Variants in GPR155 observed in about 807,000 individuals in gnomAD.
GPR155 encodes the protein lysosomal cholesterol signaling protein.
A neutral mutation model predicts 93.1 loss-of-function variants in GPR155; 65 were observed. That is an observed-to-expected ratio of 0.70 (90% confidence interval 0.57 to 0.86). The LOEUF (loss-of-function observed/expected upper bound fraction) is 0.86, where lower values mean the gene tolerates loss of function less well. Among genes scored for constraint, GPR155 ranks in the 40% least tolerant of loss-of-function variants. GPR155 has a pLI of 0.00. For missense variants in GPR155, 838 were observed against 1,034.8 expected (o/e 0.81, Z 2.61); for synonymous variants, 319 against 360.1 (o/e 0.89, Z 1.29).
intron 6 of GPR155, 133 bp from the exon 7 acceptor site, chr2:174,466,035 A>T (rs1687830402): frequency 2.1e-5 from 12 of 564,166 alleles, no homozygotes; most frequent in Non-Finnish European, 3.2e-5. Context: ...TTTGTTTAAA[A>T]TTTTTTGTGA....
intron 2 of GPR155, 54 bp from the exon 3 acceptor site, chr2:174,473,418 T>A (rs975367099): frequency 3.5e-6 from 4 of 1,158,204 alleles, no homozygotes; most frequent in African/African-American, 1.6e-5. Context: ...TACAGATATA[T>A]GTTATGTATA....
intron 13 of GPR155, among the ~76,000 whole-genome samples, chr2:174,443,224 G>C (rs1687018453): frequency 1.3e-5 from 2 of 151,576 alleles, no homozygotes; most frequent in Admixed American, 1.3e-4. Flanking sequence ...TGTCTCTGTG[G>C]GCATAGCCAT....
At chr2:174,453,223 G>T (rs1194047250) in intron 11 of GPR155, among the ~76,000 whole-genome samples, 1 of 152,156 alleles carries the variant, frequency 6.6e-6, no homozygotes, top group Admixed American at 6.5e-5. Flanking sequence ...CACTTTGTGA[G>T]AACTTTATTT....
intron 2 of GPR155, among the ~76,000 whole-genome samples, chr2:174,475,783 C>T (rs554371832): frequency 1.5e-3 from 230 of 152,212 alleles, no homozygotes; most frequent in Non-Finnish European, 2.3e-3. Context: ...GAAAGATGTT[C>T]ATACCTGCCC....
At chr2:174,437,105 C>G (rs967313667) in intron 15 of GPR155, among the ~76,000 whole-genome samples, 3 of 152,096 alleles carry the variant, frequency 2.0e-5, no homozygotes, top group Admixed American at 6.5e-5. Context: ...CTTCCTGATG[C>G]AAATATGGGA....
intron 2 of GPR155, among the ~76,000 whole-genome samples, chr2:174,475,331 G>GT (rs1284836040): frequency 1.5e-5 from 2 of 130,540 alleles, no homozygotes; most frequent in Admixed American, 7.5e-5. Flanking sequence ...AAAAAATTAG[G>GT]TTTCTCAATT....
intron 7 of GPR155, 45 bp from the exon 8 acceptor site, chr2:174,461,717 T>C: frequency 9.4e-7 from 1 of 1,059,204 alleles, no homozygotes; most frequent in East Asian, 2.4e-5. Flanking sequence ...TCAACATTGA[T>C]CAGACTTTAT....
Position 174,435,494 on chromosome 2 carries a change from T to C in GPR155, c.*622A>G, listed in dbSNP as rs999899463. On this transcript the variant is annotated 3_prime_UTR_variant, in exon 16 of 16. Transcript: ENST00000392552. ...ATTTTATTTTATTTTATTTTTGAGA[T>C]AGAGTCTTGCTCTGTTGCTCAGGCT... 2.7e-5 allele frequency: 2 copies of C among 73,578 alleles called. No individual in the cohort carries two copies. The highest frequency in any genetic ancestry group is 1.0e-4 in the African/African-American group (2 of 19,592). The allele number at this position is 73,578 out of a possible 1,614,324, so 4.6% of individuals were successfully genotyped here.
intron 14 of GPR155, among the ~76,000 whole-genome samples, chr2:174,440,870 A>G (rs1266284530): frequency 1.3e-5 from 2 of 152,200 alleles, no homozygotes; most frequent in Non-Finnish European, 2.9e-5. Flanking sequence ...AAAAAAACCA[A>G]CAATTTAGAA....
intron 11 of GPR155, among the ~76,000 whole-genome samples, chr2:174,451,404 A>G (rs951945117): frequency 6.6e-6 from 1 of 152,182 alleles, no homozygotes. Context: ...TTGCCATTCA[A>G]CAATCTAAAT....
chr2:174,466,955 G>A (rs1281909715), intron 5 of GPR155, among the ~76,000 whole-genome samples: 1 of 152,004 alleles, frequency 6.6e-6, no homozygotes, highest in African/African-American at 2.4e-5. Flanking sequence ...TCAGGAGTTC[G>A]AGACCAGCCT....
At chr2:174,461,521 AAAAG>A (rs754031490) in intron 8 of GPR155, 29 bp from the exon 9 acceptor site, 3 of 1,585,894 alleles carry the variant, frequency 1.9e-6, no homozygotes, top group Non-Finnish European at 1.7e-6. Flanking sequence ...TTGGGAGAGA[AAAAG>A]AAAGGATGAA....
Position 174,481,507 on chromosome 2 carries a change from T to A in GPR155, c.450A>T (p.Gly150=), listed in dbSNP as rs768094355. 10 of 1,590,116 alleles carry A rather than the reference T, an allele frequency of 6.3e-6. No homozygotes were observed. Among genetic ancestry groups the A allele is most frequent in the South Asian group, 1.1e-5 (1 of 89,534 alleles). The change falls in exon 2 of 16, where the codon GGA becomes GGT. Residue 150 remains glycine, a synonymous_variant. Coordinates refer to ENST00000392552, the MANE Select transcript of GPR155 (RefSeq NM_152529.7). ...TAAAAATTAACTTACCTATAGGGTA[T>A]CCCAATGCAAAGTCATTACTTTGTG... is the stretch of plus-strand genomic sequence containing the variant. ...FATQSNDFAL[G]YPIVEALYQT...
intron 2 of GPR155, among the ~76,000 whole-genome samples, chr2:174,474,949 G>C (rs1167701526): frequency 1.3e-5 from 2 of 151,992 alleles, no homozygotes; most frequent in Non-Finnish European, 2.9e-5. Flanking sequence ...AGATAAAAAA[G>C]AACAGCCACA....
At position 174,480,227 on chromosome 2, in the gene GPR155, AT is replaced by A. The variant is rs375890332; in HGVS notation, c.460+1269del. On this transcript the variant is annotated intron_variant, in intron 2 of 15. Transcript: ENST00000392552. ...ACCCTACCTCAAATAGCACCTCCAC[AT>A]TCCTATCCTTCTACGTGACTTTATT... is the stretch of plus-strand genomic sequence containing the variant. 5.1e-3 allele frequency among the ~76,000 whole-genome samples: 784 copies of A among 152,270 alleles called. 11 individuals are homozygous for A. Among genetic ancestry groups the A allele is most frequent in the African/African-American group, 0.018 (760 of 41,564 alleles).
rs759755273 is a variant in GPR155 at position 174,470,490 on chromosome 2, T to C, written c.926A>G (p.Asn309Ser). 3 of 1,613,814 alleles carry C rather than the reference T, an allele frequency of 1.9e-6. No individual in the cohort carries two copies. Among genetic ancestry groups the C allele is most frequent in the Non-Finnish European group, 2.5e-6 (3 of 1,179,878 alleles). ...TGCATAATTTGATAAACTTGTATGG[T>C]TCACCACACTGTCGCCCTTGTCCAA... ...ELLDKGDSVV[N>S]HTSLSNYAFL... Residue 309 changes from asparagine (N) to serine (S), a missense_variant, in exon 4 of 16, where the codon AAC (asparagine) becomes AGC (serine). Physicochemically the swap from Asn to Ser is conservative, Grantham distance 46. Transcript: ENST00000392552.
At chr2:174,477,986 C>G (rs1688215411) in intron 2 of GPR155, among the ~76,000 whole-genome samples, 1 of 152,058 alleles carries the variant, frequency 6.6e-6, no homozygotes, top group African/African-American at 2.4e-5. Context: ...GCTTCATTTC[C>G]TTTCTGTTTA....
chr2:174,483,821 G>A (rs1488173141), intron 1 of GPR155, among the ~76,000 whole-genome samples: 1 of 152,050 alleles, frequency 6.6e-6, no homozygotes, highest in Non-Finnish European at 1.5e-5. Flanking sequence ...CCAACCTCAG[G>A]TGATCTGCCC....
rs1370642100 is a variant in GPR155 at position 174,436,120 on chromosome 2, G to A, written c.2609C>T (p.Thr870Ile). 3.1e-6 allele frequency: 5 copies of A among 1,610,540 alleles called. No individual in the cohort carries two copies. Among genetic ancestry groups the A allele is most frequent in the Non-Finnish European group, 4.2e-6 (5 of 1,176,910 alleles). Reference protein sequence around the residue: ...HSSPPSHSPKT With the variant: ...HSSPPSHSPKI ...TAGGGTTCTCCCCTGCATAATTTAGGTCTTAGGGGAATGTGAGGGTGGGGA... is the reference window on the plus strand; with the variant it reads ...TAGGGTTCTCCCCTGCATAATTTAGATCTTAGGGGAATGTGAGGGTGGGGA... The change falls in exon 16 of 16, where the codon ACC becomes ATC. Residue 870 changes from threonine (T) to isoleucine (I), a missense_variant. Transcript: ENST00000392552.
Sources: gnomAD v4.1 joint callset for allele counts (sites outside exome capture counted in the v4.1 genomes callset) on GRCh38, gnomAD v4.1.1 for gene constraint, MANE v1.5 for transcripts, NCBI Gene and HGNC (gene_info 2026-07-23, HGNC 2026-07-21) for gene names.